OR11G2: variants seen among roughly 807,000 people sequenced by gnomAD.
OR11G2 encodes the protein olfactory receptor 11G2.
In OR11G2, 2 loss-of-function variants were observed where a neutral mutation model predicts 0.9. The observed-to-expected ratio is 2.35, with a 90% CI of 0.96 to 7.38. The LOEUF (loss-of-function observed/expected upper bound fraction) is 7.38. Ranked by LOEUF, OR11G2 falls within the 30% of genes most tolerant of loss-of-function variation. The pLI, the probability that OR11G2 is intolerant of heterozygous loss-of-function variation, is 0.05. For synonymous variants in OR11G2, 153 were observed against 142.0 expected (o/e 1.08, Z -0.55); for missense variants, 395 against 371.3 (o/e 1.06, Z -0.52).
At position 20,199,699 on chromosome 14, in the gene OR11G2, AC is replaced by A. The variant is rs1879862389; in HGVS notation, c.*1327del. ...TTCTATCTAGATTCCATACATTCTCACTTCTTCCTTCACTTTCAGGAGATTA... is the reference window on the plus strand; with the variant it reads ...TTCTATCTAGATTCCATACATTCTCATTCTTCCTTCACTTTCAGGAGATTA... On this transcript the variant is annotated 3_prime_UTR_variant, in exon 2 of 2. Transcript: ENST00000641879. 1 of 152,122 alleles carries A rather than the reference AC, an allele frequency of 6.6e-6. No homozygotes were observed. The highest frequency in any genetic ancestry group is 2.1e-4 in the South Asian group (1 of 4,830). The allele number at this position is 152,122 out of a possible 1,614,324, so 9.4% of individuals were successfully genotyped here.
chr14:20,196,967 C>T (rs187326327), intron 1 of OR11G2, among the ~76,000 whole-genome samples: 19 of 152,330 alleles, frequency 1.2e-4, no homozygotes, highest in Non-Finnish European at 2.9e-5. Context: ...TTTATGGTCT[C>T]ATATTACATG....
intron 1 of OR11G2, 30 bp from the exon 2 acceptor site, chr14:20,197,404 A>G (rs750799076): frequency 6.2e-7 from 1 of 1,612,006 alleles, no homozygotes; most frequent in Non-Finnish European, 8.5e-7. Context: ...ACCGTCATTC[A>G]GTAATTGCTG....
At position 20,199,003 on chromosome 14, in the gene OR11G2, T is replaced by C. The variant is rs1028976692; in HGVS notation, c.*630T>C. 1 of 152,192 alleles carries C rather than the reference T, an allele frequency of 6.6e-6. No homozygotes were observed. Among genetic ancestry groups the C allele is most frequent in the African/African-American group, 2.4e-5 (1 of 41,438 alleles). 9.4% of individuals were successfully genotyped at this position (152,192 alleles called of 1,614,324 possible). Reference sequence around the variant, plus strand: ...ATTGATTCTATTTAAGCACTACTTGTATGTGTTTTTAAAATGATCTGTGCT... The same window carrying C: ...ATTGATTCTATTTAAGCACTACTTGCATGTGTTTTTAAAATGATCTGTGCT... On this transcript the variant is annotated 3_prime_UTR_variant, in exon 2 of 2. Transcript: ENST00000641879.
chr14:20,196,324 T>TA (rs1235681341), intron 1 of OR11G2, among the ~76,000 whole-genome samples: 2 of 152,212 alleles, frequency 1.3e-5, no homozygotes, highest in African/African-American at 4.8e-5. Context: ...TCTGCTACCT[T>TA]AAAACTTCCT....
chr14:20,197,225 G>A (rs1879769819), intron 1 of OR11G2: 3 of 667,604 alleles, frequency 4.5e-6, no homozygotes, highest in East Asian at 2.8e-5. Flanking sequence ...AAATGTGAAC[G>A]CGAGCAAAGA....
Position 20,197,702 on chromosome 14 carries a change from T to C in OR11G2, c.265T>C (p.Phe89Leu), listed in dbSNP as rs2139113649. 1 of 1,613,894 alleles carries C rather than the reference T, an allele frequency of 6.2e-7. No individual in the cohort carries two copies. Among genetic ancestry groups the C allele is most frequent in the Non-Finnish European group, 8.5e-7 (1 of 1,179,848 alleles). ...CACAGTCCCCAGCATGCTGGCCAAC[T>C]TCCTCTCTGACACCAAGATCATCTC... ...TSTVPSMLAN[F>L]LSDTKIISFS... is the part of the protein sequence containing the mutation. The change falls in exon 2 of 2, where the codon TTC becomes CTC. Residue 89 changes from phenylalanine to leucine, a missense_variant. Phe to Leu is a conservative substitution (Grantham distance 22). Transcript: ENST00000641879.
At position 20,197,601 on chromosome 14, in the gene OR11G2, G is replaced by A. The variant is rs989748155; in HGVS notation, c.164G>A (p.Trp55Ter). 6.2e-7 allele frequency: 1 copy of A among 1,614,128 alleles called. No individual in the cohort carries two copies. The highest frequency in any genetic ancestry group is 8.5e-7 in the Non-Finnish European group (1 of 1,180,026). The change falls in exon 2 of 2, where the codon TGG becomes TAG. Residue 55 changes from tryptophan (W) to a stop codon, truncating the protein, a stop_gained. Coordinates refer to ENST00000641879, the MANE Select transcript of OR11G2 (RefSeq NM_001386033.1). LOFTEE classifies it high-confidence loss of function. ...GNGSIICAVH[W>*]DQRLHAPMYI... ...GGTTCCATCATCTGTGCTGTGCACT[G>A]GGATCAGAGACTCCACGCCCCCATG...
chr14:20,196,436 G>C (rs1004315878), intron 1 of OR11G2, among the ~76,000 whole-genome samples: 2 of 152,112 alleles, frequency 1.3e-5, no homozygotes, highest in Non-Finnish European at 2.9e-5. Flanking sequence ...ATTTAGAAAG[G>C]GCTCTAACTA....
rs1301449596 is a variant in OR11G2 at position 20,201,055 on chromosome 14, ATTCT to A, written c.*2685_*2688del. 6.6e-6 allele frequency: 1 copy of A among 152,156 alleles called. No individual in the cohort carries two copies. Among genetic ancestry groups the A allele is most frequent in the Non-Finnish European group, 1.5e-5 (1 of 68,028 alleles). 9.4% of individuals were successfully genotyped at this position (152,156 alleles called of 1,614,324 possible). On this transcript the variant is annotated 3_prime_UTR_variant, in exon 2 of 2. Coordinates refer to ENST00000641879, the MANE Select transcript of OR11G2 (RefSeq NM_001386033.1). ...TTCATAACTCCTTTTGTGCGTTCAAATTCTTTATCATGTGCCTATATTATGCATT... is the reference window on the plus strand; with the variant it reads ...TTCATAACTCCTTTTGTGCGTTCAAATTATCATGTGCCTATATTATGCATT...
At chr14:20,195,349 G>A (rs1467956459) in intron 1 of OR11G2, among the ~76,000 whole-genome samples, 3 of 152,106 alleles carry the variant, frequency 2.0e-5, no homozygotes, top group Non-Finnish European at 2.9e-5. Flanking sequence ...AGACCAGCCT[G>A]GCCAACATGA....
Position 20,197,612 on chromosome 14 carries a change from C to T in OR11G2, c.175C>T (p.Leu59Phe), listed in dbSNP as rs2139113178. The change falls in exon 2 of 2, where the codon CTC (leucine) becomes TTC (phenylalanine). Residue 59 changes from leucine to phenylalanine, a missense_variant. By Grantham distance (22) the Leu-to-Phe change is conservative. Transcript: ENST00000641879. ...IICAVHWDQR[L>F]HAPMYILLAN... is the part of the protein sequence containing the mutation. ...CTGTGCTGTGCACTGGGATCAGAGA[C>T]TCCACGCCCCCATGTACATCCTGCT... 6.2e-7 allele frequency: 1 copy of T among 1,614,142 alleles called. No homozygotes were observed. Among genetic ancestry groups the T allele is most frequent in the Non-Finnish European group, 8.5e-7 (1 of 1,180,030 alleles).
intron 1 of OR11G2, among the ~76,000 whole-genome samples, chr14:20,196,843 T>C (rs1879762246): frequency 6.6e-6 from 1 of 152,226 alleles, no homozygotes; most frequent in Non-Finnish European, 1.5e-5. Context: ...TCTAATTGAT[T>C]TGACTGTGTT....
rs1220791998 is a variant in OR11G2 at position 20,197,589 on chromosome 14, G to A, written c.152G>A (p.Cys51Tyr). 4 of 1,614,124 alleles carry A rather than the reference G, an allele frequency of 2.5e-6. No individual in the cohort carries two copies. Among genetic ancestry groups the A allele is most frequent in the Admixed American group, 3.3e-5 (2 of 60,022 alleles). The change falls in exon 2 of 2, where the codon TGT (cysteine) becomes TAT (tyrosine). Residue 51 changes from cysteine to tyrosine, a missense_variant. Cys to Tyr is a radical substitution (Grantham distance 194, BLOSUM62 -2). Coordinates refer to ENST00000641879, the MANE Select transcript of OR11G2 (RefSeq NM_001386033.1). ...LTLMGNGSIICAVHWDQRLHA... is the reference protein window; with the variant it reads ...LTLMGNGSIIYAVHWDQRLHA... The stretch of plus-strand genomic sequence containing the variant: ...CTCATGGGCAATGGTTCCATCATCT[G>A]TGCTGTGCACTGGGATCAGAGACTC...
rs768516632 is a variant in OR11G2, at chr14:20,198,092, G to A, written c.655G>A (p.Val219Met). ...TGTCTTTATGCTCTTTCTCTTCATT[G>A]TGGGGTCCTATGCTCTGGTCGTGAG... ...LPVFMLFLFI[V>M]GSYALVVRAV... Residue 219 changes from valine (V) to methionine (M), a missense_variant, in exon 2 of 2, where the codon GTG (valine) becomes ATG (methionine). Transcript: ENST00000641879. The A allele has an allele frequency of 6.2e-7, 1 of 1,613,972 alleles. No homozygotes were observed. The highest frequency in any genetic ancestry group is 8.5e-7 in the Non-Finnish European group (1 of 1,180,024).
At chr14:20,195,390 A>T (rs1468075556) in intron 1 of OR11G2, among the ~76,000 whole-genome samples, 2 of 152,036 alleles carry the variant, frequency 1.3e-5, no homozygotes, top group African/African-American at 4.8e-5. Context: ...AACATACAAA[A>T]ATTAGCCGGG....
At chr14:20,196,606 G>A (rs1339630223) in intron 1 of OR11G2, among the ~76,000 whole-genome samples, 1 of 151,978 alleles carries the variant, frequency 6.6e-6, no homozygotes, top group Non-Finnish European at 1.5e-5. Flanking sequence ...GTCTAATATC[G>A]CCTACAAACC....
chr14:20,194,073 G>C (rs1430619495), intron 1 of OR11G2, among the ~76,000 whole-genome samples: 1 of 152,172 alleles, frequency 6.6e-6, no homozygotes, highest in Non-Finnish European at 1.5e-5. Context: ...GAGAGAGAAA[G>C]TTTGAATAAT....
intron 1 of OR11G2, among the ~76,000 whole-genome samples, chr14:20,195,111 C>T (rs1356716085): frequency 1.3e-5 from 2 of 152,280 alleles, no homozygotes; most frequent in South Asian, 2.1e-4. Flanking sequence ...AAGCCAAGTA[C>T]ATTTAATCCT....
intron 1 of OR11G2, chr14:20,197,220 T>C: frequency 1.5e-6 from 1 of 661,088 alleles, no homozygotes; most frequent in Non-Finnish European, 2.5e-6. Flanking sequence ...GGTAAAAATG[T>C]GAACGCGAGC....
Sources: gnomAD v4.1 joint callset for allele counts (sites outside exome capture counted in the v4.1 genomes callset) on GRCh38, gnomAD v4.1.1 for gene constraint, MANE v1.5 for transcripts, NCBI Gene and HGNC (gene_info 2026-07-23, HGNC 2026-07-21) for gene names.